The following DLG2 variants were observed in gnomAD, a reference collection of about 807,000 sequenced individuals.
DLG2 encodes the protein disks large homolog 2.
DLG2 carries 45 observed loss-of-function variants against 132.5 expected under a neutral mutation model. That is an observed-to-expected ratio of 0.34 (90% CI 0.27 to 0.44). The LOEUF (loss-of-function observed/expected upper bound fraction) is 0.44. DLG2 is among the 20% of genes least tolerant of loss of function. DLG2 has a pLI of 1.00. For synonymous variants in DLG2, 424 were observed against 419.6 expected (o/e 1.01, Z -0.13); for missense variants, 1,045 against 1,196.9 (o/e 0.87, Z 1.87).
intron 4 of DLG2, among the ~76,000 whole-genome samples, chr11:85,160,253 T>G (rs925986050): frequency 3.3e-5 from 5 of 152,254 alleles, no homozygotes; most frequent in Admixed American, 2.6e-4. Flanking sequence ...AGGAGAAGGC[T>G]CTGCAACAGG....
chr11:84,427,425 C>T (rs1342422149), intron 7 of DLG2, among the ~76,000 whole-genome samples: 1 of 152,090 alleles, frequency 6.6e-6, no homozygotes, highest in East Asian at 1.9e-4. Flanking sequence ...GGTCACCCAA[C>T]CAGTCTTGAA....
At chr11:84,003,498 T>A (rs1337141008) in intron 11 of DLG2, among the ~76,000 whole-genome samples, 2 of 152,104 alleles carry the variant, frequency 1.3e-5, no homozygotes, top group Non-Finnish European at 2.9e-5. Context: ...TGGGGAGGCC[T>A]CAACAAACTT....
chr11:85,319,797 C>CTTAA (rs1346886850), intron 3 of DLG2, among the ~76,000 whole-genome samples: 2 of 151,768 alleles, frequency 1.3e-5, no homozygotes, highest in African/African-American at 4.8e-5. Flanking sequence ...AGATATAAGT[C>CTTAA]TTAAAATCCT....
chr11:83,569,022 G>A (rs1175584730), intron 19 of DLG2, among the ~76,000 whole-genome samples: 2 of 152,058 alleles, frequency 1.3e-5, no homozygotes, highest in Admixed American at 1.3e-4. Context: ...TGTCTCAAAG[G>A]AATAATGTTG....
chr11:84,312,192 C>T (rs947641938), intron 7 of DLG2, among the ~76,000 whole-genome samples: 1 of 152,126 alleles, frequency 6.6e-6, no homozygotes, highest in Non-Finnish European at 1.5e-5. Context: ...AAAATCTTGG[C>T]TGGGCGCAGT....
chr11:84,918,691 G>A (rs1237193504), intron 6 of DLG2, among the ~76,000 whole-genome samples: 1 of 152,180 alleles, frequency 6.6e-6, no homozygotes, highest in African/African-American at 2.4e-5. Context: ...AGATCCAAAA[G>A]AGTATGTGAC....
At chr11:84,332,119 G>C (rs1041476139) in intron 7 of DLG2, among the ~76,000 whole-genome samples, 24 of 151,524 alleles carry the variant, frequency 1.6e-4, no homozygotes, top group African/African-American at 5.8e-4. Flanking sequence ...TCATCCGTTA[G>C]TAAAGAAAAG....
At chr11:85,136,398 G>C (rs2076147744) in intron 5 of DLG2, among the ~76,000 whole-genome samples, 1 of 152,102 alleles carries the variant, frequency 6.6e-6, no homozygotes, top group Admixed American at 6.5e-5. Context: ...CAGATATAAA[G>C]ATGATAGAGG....
At chr11:84,017,660 C>A (rs1159467588) in intron 11 of DLG2, among the ~76,000 whole-genome samples, 1 of 152,018 alleles carries the variant, frequency 6.6e-6, no homozygotes, top group Non-Finnish European at 1.5e-5. Flanking sequence ...ATTACATTTT[C>A]TTTTAGAAAG....
chr11:83,883,804 C>CAA (rs71463186), intron 15 of DLG2, among the ~76,000 whole-genome samples: 47 of 123,516 alleles, frequency 3.8e-4, no homozygotes, highest in South Asian at 2.2e-3. Flanking sequence ...AACATGTATA[C>CAA]AAAAAAAAAA....
At chr11:83,633,391 C>A in intron 18 of DLG2, 66 bp from the exon 19 acceptor site, 3 of 1,270,886 alleles carry the variant, frequency 2.4e-6, no homozygotes, top group Non-Finnish European at 3.4e-6. Context: ...TGCTGCACAG[C>A]CCAGGCAGCC....
At chr11:84,988,488 C>T (rs2056743629) in intron 6 of DLG2, among the ~76,000 whole-genome samples, 1 of 152,040 alleles carries the variant, frequency 6.6e-6, no homozygotes, top group Non-Finnish European at 1.5e-5. Flanking sequence ...CAATGAGTGC[C>T]TAAAGAAACT....
intron 3 of DLG2, among the ~76,000 whole-genome samples, chr11:85,497,052 G>T (rs2093683492): frequency 6.6e-6 from 1 of 151,830 alleles, no homozygotes; most frequent in African/African-American, 2.4e-5. Flanking sequence ...TCGCCAGCAA[G>T]GGAACAAAAT....
intron 3 of DLG2, among the ~76,000 whole-genome samples, chr11:85,470,922 G>A (rs905527699): frequency 1.5e-4 from 23 of 152,106 alleles, no homozygotes; most frequent in African/African-American, 5.6e-4. Flanking sequence ...AGACATTCAG[G>A]CATTGTAAAT....
intron 6 of DLG2, among the ~76,000 whole-genome samples, chr11:84,542,205 T>C (rs188621370): frequency 2.4e-4 from 37 of 152,208 alleles, no homozygotes; most frequent in African/African-American, 8.4e-4. Flanking sequence ...AGAACATGTT[T>C]GTGTGCACAT....
intron 6 of DLG2, among the ~76,000 whole-genome samples, chr11:84,800,067 T>C (rs1219730605): frequency 2.6e-5 from 4 of 152,192 alleles, no homozygotes; most frequent in African/African-American, 9.7e-5. Context: ...GAATGCATTA[T>C]GGATATCAAA....
At chr11:84,797,877 G>A (rs1252078766) in intron 6 of DLG2, among the ~76,000 whole-genome samples, 1 of 152,142 alleles carries the variant, frequency 6.6e-6, no homozygotes, top group Admixed American at 6.5e-5. Flanking sequence ...AGTATTCAAA[G>A]AGACTTGGGC....
At chr11:84,923,133 A>G in intron 6 of DLG2, 3 of 1,613,772 alleles carry the variant, frequency 1.9e-6, no homozygotes, top group Admixed American at 1.7e-5. Flanking sequence ...GTAAATAAGG[A>G]GCATATGGAC....
rs1230697682 is a variant in DLG2, at chr11:85,409,802, G to A, written c.41-124437C>T. ...TGAAGATTTTCTCATTTACAAAATG[G>A]GAAGAGAAGTACTTAAAACTCAGAA... On this transcript the variant is annotated intron_variant, in intron 3 of 27. Transcript: ENST00000376104. 2.0e-5 allele frequency among the ~76,000 whole-genome samples: 3 copies of A among 151,710 alleles called. No individual in the cohort carries two copies. In the East Asian group the frequency reaches 5.8e-4, roughly 29 times the overall value.
Sources: gnomAD v4.1 joint callset for allele counts (sites outside exome capture counted in the v4.1 genomes callset) on GRCh38, gnomAD v4.1.1 for gene constraint, MANE v1.5 for transcripts, NCBI Gene and HGNC (gene_info 2026-07-23, HGNC 2026-07-21) for gene names.